Variants in CLASP1 observed in about 807,000 individuals in gnomAD.
CLASP1 encodes cytoplasmic linker associated protein 1.
A neutral mutation model predicts 192.3 loss-of-function variants in CLASP1; 38 were observed. The ratio of observed to expected loss-of-function variants is 0.20; its 90% CI spans 0.15 to 0.26. CLASP1 has a LOEUF of 0.26. Among genes scored for constraint, CLASP1 ranks in the 10% least tolerant of loss-of-function variants. The probability of loss-of-function intolerance (pLI) is 1.00; values close to 1 mark genes in which losing one functional copy is unlikely to be tolerated. For synonymous variants in CLASP1, 691 were observed against 712.8 expected (o/e 0.97, Z 0.49); for missense variants, 1,433 against 1,932.5 (o/e 0.74, Z 4.85).
chr2:121,481,111 A>T (rs951496348), intron 8 of CLASP1, among the ~76,000 whole-genome samples: 7 of 152,244 alleles, frequency 4.6e-5, no homozygotes, highest in African/African-American at 1.7e-4. Context: ...TATCAAAGGG[A>T]TGTAATGCAG....
At chr2:121,633,122 T>C (rs2070118479) in intron 1 of CLASP1, among the ~76,000 whole-genome samples, 1 of 151,510 alleles carries the variant, frequency 6.6e-6, no homozygotes, top group African/African-American at 2.4e-5. Context: ...ACTTAAATTT[T>C]TAATTCATGT....
intron 7 of CLASP1, among the ~76,000 whole-genome samples, chr2:121,504,628 A>G (rs1003299518): frequency 2.6e-5 from 4 of 152,192 alleles, no homozygotes; most frequent in Non-Finnish European, 5.9e-5. Context: ...TTGAGTGCCC[A>G]TTATGTGCCC....
At chr2:121,375,980 C>G (rs1021738755) in intron 34 of CLASP1, among the ~76,000 whole-genome samples, 14 of 152,216 alleles carry the variant, frequency 9.2e-5, no homozygotes, top group Middle Eastern at 3.4e-3. Flanking sequence ...AAATTAATTA[C>G]CTTGGGCCTC....
intron 2 of CLASP1, among the ~76,000 whole-genome samples, chr2:121,557,250 T>C (rs531296337): frequency 2.0e-5 from 3 of 152,336 alleles, no homozygotes; most frequent in Admixed American, 6.5e-5. Context: ...ACTCAGTAGA[T>C]AGCTTAAAGC....
At chr2:121,444,955 A>G in intron 19 of CLASP1, 3 of 1,359,418 alleles carry the variant, frequency 2.2e-6, no homozygotes, top group Non-Finnish European at 3.0e-6. Flanking sequence ...CTTTAGTGGT[A>G]GTACCATCTT....
chr2:121,394,862 A>G (rs1241297960), intron 30 of CLASP1, among the ~76,000 whole-genome samples: 3 of 152,222 alleles, frequency 2.0e-5, no homozygotes, highest in African/African-American at 7.2e-5. Context: ...CCTGGGTGAC[A>G]GAGCGAGACT....
intron 22 of CLASP1, among the ~76,000 whole-genome samples, chr2:121,422,767 TATC>T (rs1294418059): frequency 1.3e-5 from 2 of 152,144 alleles, no homozygotes; most frequent in Non-Finnish European, 2.9e-5. Flanking sequence ...TGTTAAGAAG[TATC>T]ATTTCAAACA....
chr2:121,631,180 AAAG>A (rs1186625397), intron 1 of CLASP1, among the ~76,000 whole-genome samples: 56 of 146,808 alleles, frequency 3.8e-4, no homozygotes, highest in African/African-American at 1.3e-3. Context: ...AAAAAAAAAA[AAAG>A]AAATGAGAAG....
intron 1 of CLASP1, among the ~76,000 whole-genome samples, chr2:121,641,332 T>TAA (rs35155528): frequency 1.8e-4 from 24 of 130,776 alleles, no homozygotes; most frequent in South Asian, 7.3e-4. Flanking sequence ...GGGAACCTGT[T>TAA]AAAAAAAAAA....
intron 8 of CLASP1, among the ~76,000 whole-genome samples, chr2:121,497,361 A>G (rs551761360): frequency 6.6e-6 from 1 of 152,212 alleles, no homozygotes; most frequent in South Asian, 2.1e-4. Context: ...AGCAATATTT[A>G]TTGTTTTGTG....
At chr2:121,360,508 T>G (rs2066175791) in intron 37 of CLASP1, among the ~76,000 whole-genome samples, 1 of 151,322 alleles carries the variant, frequency 6.6e-6, no homozygotes, top group Non-Finnish European at 1.5e-5. Context: ...AAACTTTATG[T>G]GCATCTCAGC....
chr2:121,357,816 G>A (rs2065695462), intron 37 of CLASP1, among the ~76,000 whole-genome samples: 1 of 152,156 alleles, frequency 6.6e-6, no homozygotes, highest in African/African-American at 2.4e-5. Flanking sequence ...GCTCAGCAGG[G>A]TTCAACCCAG....
At position 121,379,384 on chromosome 2, in the gene CLASP1, G is replaced by A. The variant is rs148165938; in HGVS notation, c.3492-1735C>T. Among the ~76,000 whole-genome samples the A allele has an allele frequency of 6.6e-5, 10 of 152,272 alleles. No individual in the cohort carries two copies. The East Asian group carries it at 1.9e-3, about 29-fold the overall frequency. Reference sequence around the variant, plus strand: ...CAACCTCTTCTATGTTCACAAGGCTGTCTGTCAAAGAGGCAACACTCCTTA... The same window carrying A: ...CAACCTCTTCTATGTTCACAAGGCTATCTGTCAAAGAGGCAACACTCCTTA... On this transcript the variant is annotated intron_variant, in intron 33 of 39. Coordinates refer to ENST00000263710, the Ensembl canonical transcript of CLASP1.
intron 32 of CLASP1, among the ~76,000 whole-genome samples, chr2:121,384,023 CACACACACATATATAT>C (rs1276364209): frequency 2.2e-5 from 3 of 139,164 alleles, no homozygotes; most frequent in Non-Finnish European, 1.6e-5. Flanking sequence ...CACACACACA[CACACACACATATATAT>C]GTATATATAC....
intron 34 of CLASP1, among the ~76,000 whole-genome samples, chr2:121,375,172 T>A (rs1030044102): frequency 2.0e-5 from 3 of 152,178 alleles, no homozygotes; most frequent in African/African-American, 7.2e-5. Context: ...TCTCATGAGA[T>A]CTGGTTGTTT....
At chr2:121,492,859 T>C (rs2093380348) in intron 8 of CLASP1, among the ~76,000 whole-genome samples, 1 of 152,082 alleles carries the variant, frequency 6.6e-6, no homozygotes, top group African/African-American at 2.4e-5. Flanking sequence ...AAAACAGGTG[T>C]TTAAAAGCTT....
At chr2:121,395,249 T>A (rs981531508) in intron 30 of CLASP1, among the ~76,000 whole-genome samples, 2 of 152,162 alleles carry the variant, frequency 1.3e-5, no homozygotes, top group African/African-American at 4.8e-5. Flanking sequence ...TACTGTGAGA[T>A]AATAAATCTG....
intron 29 of CLASP1, among the ~76,000 whole-genome samples, chr2:121,397,589 C>A (rs554583147): frequency 2.0e-5 from 3 of 152,296 alleles, no homozygotes; most frequent in Non-Finnish European, 4.4e-5. Flanking sequence ...TTGAGAGGGG[C>A]CCGTGGGATT....
chr2:121,579,038 C>A (rs1420274939), intron 2 of CLASP1, among the ~76,000 whole-genome samples: 1 of 152,178 alleles, frequency 6.6e-6, no homozygotes, highest in African/African-American at 2.4e-5. Context: ...TAATACAGCC[C>A]CATAATGTAT....
Sources: allele counts gnomAD v4.1 joint callset (sites outside exome capture counted in the v4.1 genomes callset), GRCh38; gene constraint gnomAD v4.1.1; transcripts MANE v1.5; gene names NCBI Gene and HGNC (gene_info 2026-07-23, HGNC 2026-07-21).